The following ATG16L1 variants were observed in gnomAD, a reference collection of about 807,000 sequenced individuals.
ATG16L1 encodes autophagy-related protein 16-1.
A neutral mutation model predicts 88.5 loss-of-function variants in ATG16L1; 37 were observed. The observed-to-expected ratio is 0.42, with a 90% CI of 0.32 to 0.55. The LOEUF is 0.55. Among genes scored for constraint, ATG16L1 ranks in the 20% least tolerant of loss-of-function variants. The pLI is 0.13. For missense variants in ATG16L1, 554 were observed against 752.8 expected, an observed-to-expected ratio of 0.74 and a Z score of 3.09; for synonymous variants, 301 against 281.0, an observed-to-expected ratio of 1.07 and a Z score of -0.71.
At chr2:233,252,069 CCG>C in intron 1 of ATG16L1, 127 bp downstream of exon 1, 1 of 722,156 alleles carries the variant, frequency 1.4e-6, no homozygotes, top group South Asian at 2.3e-5. Context: ...CCCGGGTAAC[CCG>C]CGCTTGGGAC....
chr2:233,263,260 T>C (rs1303336750), intron 3 of ATG16L1, 25 bp downstream of exon 3: 2 of 1,598,070 alleles, frequency 1.3e-6, no homozygotes, highest in Admixed American at 1.7e-5. Context: ...TTTCCTCATC[T>C]GTCTTCTGCC....
At chr2:233,261,270 T>C (rs918756748) in intron 2 of ATG16L1, among the ~76,000 whole-genome samples, 5 of 152,184 alleles carry the variant, frequency 3.3e-5, no homozygotes, top group Non-Finnish European at 7.3e-5. Context: ...TTAGTTTTTA[T>C]TTCATGAATC....
intron 13 of ATG16L1, 120 bp from the exon 14 acceptor site, chr2:233,290,128 T>G: frequency 6.6e-7 from 1 of 1,507,960 alleles, no homozygotes; most frequent in Non-Finnish European, 9.1e-7. Context: ...ATAGTTTTTC[T>G]TGTTTAAAGC....
intron 2 of ATG16L1, among the ~76,000 whole-genome samples, chr2:233,261,668 G>GT (rs200418763): frequency 0.44 from 66,160 of 151,750 alleles, 15,054 homozygotes; most frequent in Non-Finnish European, 0.52. Flanking sequence ...TCGGATGTTG[G>GT]ATGAGAGGAA....
chr2:233,252,852 T>C (rs1461372936), intron 1 of ATG16L1, among the ~76,000 whole-genome samples: 1 of 152,172 alleles, frequency 6.6e-6, no homozygotes, highest in Non-Finnish European at 1.5e-5. Context: ...CCTAAGGTGG[T>C]TCCATCTGCG....
chr2:233,288,763 T>G (rs1699253621), intron 12 of ATG16L1: 3 of 519,064 alleles, frequency 5.8e-6, no homozygotes, highest in Non-Finnish European at 1.2e-5. Flanking sequence ...CCATCGCACT[T>G]CAGAAGTGCT....
chr2:233,265,009 G>T lies in ATG16L1; in HGVS notation c.507G>T (p.Leu169=). The T allele has an allele frequency of 6.2e-7, 1 of 1,614,204 alleles. No homozygotes were observed. Among genetic ancestry groups the T allele is most frequent in the Non-Finnish European group, 8.5e-7 (1 of 1,180,036 alleles). ...CCCTGAAGGATGAATATGATGCCCT[G>T]CAGATCACTTTTACTGCCTTGGAGG... ...NQTLKDEYDA[L]QITFTALEGK... is the part of the protein sequence containing the mutation. The change falls in exon 5 of 18, where the codon CTG becomes CTT. Residue 169 remains leucine (L), a synonymous_variant. Transcript: ENST00000392017.
At chr2:233,281,376 A>G (rs1343069230) in intron 11 of ATG16L1, among the ~76,000 whole-genome samples, 1 of 152,228 alleles carries the variant, frequency 6.6e-6, no homozygotes, top group Non-Finnish European at 1.5e-5. Context: ...TGCTTCATGC[A>G]TTAGGCTTGT....
At chr2:233,266,527 G>T (rs956775753) in intron 5 of ATG16L1, among the ~76,000 whole-genome samples, 1 of 152,158 alleles carries the variant, frequency 6.6e-6, no homozygotes, top group Admixed American at 6.5e-5. Context: ...GTAGTTTCGA[G>T]TTTGAAGAGA....
At chr2:233,271,745 A>C (rs555606095) in intron 6 of ATG16L1, among the ~76,000 whole-genome samples, 1 of 152,344 alleles carries the variant, frequency 6.6e-6, no homozygotes, top group East Asian at 1.9e-4. Flanking sequence ...TCAACAGGAC[A>C]TTGTCAAAGG....
Position 233,277,303 on chromosome 2 carries a change from CA to C in ATG16L1, c.955-263del. 6 of 308,620 alleles carry C rather than the reference CA, an allele frequency of 1.9e-5. 1 individual carries two copies. In the South Asian group the frequency reaches 2.3e-4, roughly 12 times the overall value. 19.1% of individuals were successfully genotyped at this position (308,620 alleles called of 1,614,324 possible). On this transcript the variant is annotated intron_variant, in intron 9 of 17. Transcript: ENST00000392017. ...ATTGTTAGAACAGATGAAATTAATG[CA>C]AGGACCAACTTTAAGCAGTCTACAC...
chr2:233,252,605 C>T (rs1696456268), intron 1 of ATG16L1, among the ~76,000 whole-genome samples: 1 of 152,010 alleles, frequency 6.6e-6, no homozygotes, highest in Middle Eastern at 3.2e-3. Flanking sequence ...CCAGGCTGGT[C>T]TCCAACTCCT....
chr2:233,277,702 G>A, intron 10 of ATG16L1, 29 bp downstream of exon 10: 1 of 1,589,912 alleles, frequency 6.3e-7, no homozygotes, highest in Non-Finnish European at 8.6e-7. Flanking sequence ...TTCTCAGACT[G>A]AAAACTTGAG....
rs761295269 is a variant in ATG16L1, at chr2:233,251,834, TCGG to T, written c.8_10del (p.Ser3_Gly4delinsCys). The T allele has an allele frequency of 1.9e-5, 29 of 1,549,706 alleles. No homozygotes were observed. The highest frequency in any genetic ancestry group is 1.4e-4 in the Admixed American group (7 of 51,000). ...TGCCGGGGCAGCAAGTGACATGTCG[TCGG>T]GCCTCCGCGCCGCTGACTTCCCCCG... On this transcript the variant is annotated inframe_deletion, in exon 1 of 18. Transcript: ENST00000392017.
intron 12 of ATG16L1, among the ~76,000 whole-genome samples, chr2:233,284,097 G>A (rs972441227): frequency 4.6e-5 from 7 of 151,102 alleles, no homozygotes; most frequent in African/African-American, 1.7e-4. Flanking sequence ...ACCCACCTCG[G>A]CCTCCCAAAG....
chr2:233,287,503 T>G (rs1486564927), intron 12 of ATG16L1, among the ~76,000 whole-genome samples: 1 of 152,254 alleles, frequency 6.6e-6, no homozygotes, highest in Admixed American at 6.5e-5. Context: ...TTGTGAAATG[T>G]GATTTTACTC....
intron 1 of ATG16L1, 31 bp downstream of exon 1, chr2:233,251,973 G>T: frequency 6.7e-7 from 1 of 1,496,054 alleles, no homozygotes; most frequent in Non-Finnish European, 8.9e-7. Context: ...CTGGGAGTGG[G>T]GCGGGCGGGC....
chr2:233,255,326 T>C (rs1696702493), intron 1 of ATG16L1, among the ~76,000 whole-genome samples: 1 of 152,186 alleles, frequency 6.6e-6, no homozygotes, highest in Non-Finnish European at 1.5e-5. Flanking sequence ...ATTTCTGTAC[T>C]CTGTCTCCTG....
chr2:233,276,128 A>T (rs940958735), intron 9 of ATG16L1: 1 of 368,024 alleles, frequency 2.7e-6, no homozygotes, highest in African/African-American at 2.1e-5. Flanking sequence ...AAGTTACCAA[A>T]GTGATGCCTG....
Sources: allele counts gnomAD v4.1 joint callset (sites outside exome capture counted in the v4.1 genomes callset), GRCh38; gene constraint gnomAD v4.1.1; transcripts MANE v1.5; gene names NCBI Gene and HGNC (gene_info 2026-07-23, HGNC 2026-07-21).